NIBAN2: variants seen among roughly 807,000 people sequenced by gnomAD.
The protein encoded by NIBAN2 is protein Niban 2.
A neutral mutation model predicts 81.8 loss-of-function variants in NIBAN2; 36 were observed. The observed-to-expected ratio is 0.44, with a 90% confidence interval of 0.34 to 0.58. The LOEUF is 0.58. NIBAN2 is among the 20% of genes least tolerant of loss of function. The pLI is 0.02. For missense variants in NIBAN2, 897 were observed against 1,014.1 expected, an observed-to-expected ratio of 0.88 and a Z score of 1.57; for synonymous variants, 445 against 441.6, an observed-to-expected ratio of 1.01 and a Z score of -0.10.
intron 8 of NIBAN2, among the ~76,000 whole-genome samples, chr9:127,514,826 C>G (rs1836795222): frequency 6.6e-6 from 1 of 152,176 alleles, no homozygotes; most frequent in East Asian, 1.9e-4. Flanking sequence ...GCTCAGTGTC[C>G]TATCCAGCTG....
chr9:127,549,719 A>G (rs1357323384), intron 1 of NIBAN2, among the ~76,000 whole-genome samples: 2 of 152,186 alleles, frequency 1.3e-5, no homozygotes, highest in African/African-American at 2.4e-5. Context: ...AGGAAACCCA[A>G]TCCCAGATTG....
At chr9:127,542,910 G>A (rs1039244941) in intron 1 of NIBAN2, among the ~76,000 whole-genome samples, 4 of 152,320 alleles carry the variant, frequency 2.6e-5, no homozygotes, top group African/African-American at 9.6e-5. Flanking sequence ...TTTTAGTAGA[G>A]ATGGGGGTTT....
In NIBAN2 at chr9:127,508,185, T is replaced by A. The variant is rs1194824413; in HGVS notation, c.1450A>T (p.Ser484Cys). 10 of 1,613,366 alleles carry A rather than the reference T, an allele frequency of 6.2e-6. No homozygotes were observed. Among genetic ancestry groups the A allele is most frequent in the Non-Finnish European group, 8.5e-6 (10 of 1,179,856 alleles). Residue 484 changes from serine to cysteine, a missense_variant, in exon 12 of 14, where the codon AGC (serine) becomes TGC (cysteine). Ser to Cys is a moderately radical substitution (Grantham distance 112, BLOSUM62 -1). Around this residue, in one of 3 missense-constraint regions of NIBAN2, gnomAD observed 619 missense variants for 691.0 expected, o/e 0.90. Transcript: ENST00000373312. This position sits in a 1 kb window ranked among gnomAD's most constrained non-coding sequence, Gnocchi z 6.4. Reference protein sequence around the residue: ...ERVLKKYDYDSSSVRKRFFRE... With the variant: ...ERVLKKYDYDCSSVRKRFFRE... ...AAGAACCTCTTCCGCACAGAGCTGCTGTCGTAGTCGTATTTCTGCAGGGAA... is the reference window on the plus strand; with the variant it reads ...AAGAACCTCTTCCGCACAGAGCTGCAGTCGTAGTCGTATTTCTGCAGGGAA...
chr9:127,507,257 G>A lies in NIBAN2; in HGVS notation c.1829C>T (p.Ala610Val). The change falls in exon 14 of 14, where the codon GCC (alanine) becomes GTC (valine). Residue 610 changes from alanine (A) to valine (V), a missense_variant. This residue lies in a region of NIBAN2 where 619 missense variants were observed against 691.0 expected (regional missense o/e 0.90). Transcript: ENST00000373312. The surrounding 1 kb of genome is among the most constrained non-coding windows in gnomAD (Gnocchi z 6.8). Reference sequence around the variant, plus strand: ...GCGCCGTCGCTTTTCCGAGAGGGTGGCTGACTCCGGGGTGCTGGGGCTGGG... The same window carrying A: ...GCGCCGTCGCTTTTCCGAGAGGGTGACTGACTCCGGGGTGCTGGGGCTGGG... The part of the protein sequence containing the change: ...GSPSPSTPES[A>V]TLSEKRRRAK... 6.2e-7 allele frequency: 1 copy of A among 1,608,428 alleles called. No individual in the cohort carries two copies. The highest frequency in any genetic ancestry group is 8.5e-7 in the Non-Finnish European group (1 of 1,176,572).
chr9:127,509,349 A>T (rs1020978140), intron 9 of NIBAN2, among the ~76,000 whole-genome samples: 1 of 152,148 alleles, frequency 6.6e-6, no homozygotes, highest in South Asian at 2.1e-4. Context: ...CCAGTGGCAC[A>T]GCGCTGTGGA....
In NIBAN2 at chr9:127,559,395, G is replaced by A. The variant is rs1429207222; in HGVS notation, c.55+9425C>T. Among the ~76,000 whole-genome samples, 1 of 152,210 alleles carries A rather than the reference G, an allele frequency of 6.6e-6. No individual in the cohort carries two copies. Among genetic ancestry groups the A allele is most frequent in the South Asian group, 2.1e-4 (1 of 4,832 alleles). Reference sequence around the variant, plus strand: ...TGCCCGTTGCACAGATAGGCAAAGTGAGGAGGAGGCACAGAGAAAAGGAAG... The same window carrying A: ...TGCCCGTTGCACAGATAGGCAAAGTAAGGAGGAGGCACAGAGAAAAGGAAG... On this transcript the variant is annotated intron_variant, in intron 1 of 13. Coordinates refer to ENST00000373312, the MANE Select transcript of NIBAN2 (RefSeq NM_022833.4). The surrounding 1 kb of genome is among the most constrained non-coding windows in gnomAD (Gnocchi z 4.0).
chr9:127,531,809 G>A, intron 1 of NIBAN2, 31 bp from the exon 2 acceptor site: 3 of 1,613,608 alleles, frequency 1.9e-6, no homozygotes, highest in Non-Finnish European at 8.5e-7. Context: ...GGAGCTTGAG[G>A]TCCTCAGGGA....
chr9:127,506,912 C>T lies in NIBAN2; in HGVS notation c.2174G>A (p.Ser725Asn). ...SDQETGEQVS[S>N]PSSHPALHTT... ...GTGGAGGGCGGGGTGGCTGCTGGGG[C>T]TGGACACCTGCTCTCCAGTCTCCTG... The change falls in exon 14 of 14, where the codon AGC (serine) becomes AAC (asparagine). Residue 725 changes from serine to asparagine, a missense_variant. Ser to Asn is a conservative substitution (Grantham distance 46). Around this residue, in one of 3 missense-constraint regions of NIBAN2, gnomAD observed 619 missense variants for 691.0 expected, o/e 0.90. Transcript: ENST00000373312. 6.2e-7 allele frequency: 1 copy of T among 1,612,414 alleles called. No homozygotes were observed. Among genetic ancestry groups the T allele is most frequent in the East Asian group, 2.2e-5 (1 of 44,864 alleles).
chr9:127,550,737 C>A (rs1837560199), intron 1 of NIBAN2, among the ~76,000 whole-genome samples: 1 of 152,318 alleles, frequency 6.6e-6, no homozygotes, highest in Non-Finnish European at 1.5e-5. Flanking sequence ...AGAGGCAGGA[C>A]CCTTCCTGCA....
At position 127,522,271 on chromosome 9, in the gene NIBAN2, G is replaced by A. The variant is rs532341277; in HGVS notation, c.589+1408C>T. ...GACAGGGCAGAGGTGGCTCTGGAGA[G>A]GCGAGCAGGAGGGGTGGGGTGAGCT... On this transcript the variant is annotated intron_variant, in intron 5 of 13. Transcript: ENST00000373312. Among the ~76,000 whole-genome samples, 9 of 152,330 alleles carry A rather than the reference G, an allele frequency of 5.9e-5. No individual in the cohort carries two copies. The South Asian group carries it at 1.9e-3, about 32-fold the overall frequency.
intron 1 of NIBAN2, among the ~76,000 whole-genome samples, chr9:127,537,398 A>C (rs1837298784): frequency 6.6e-6 from 1 of 152,224 alleles, no homozygotes; most frequent in Non-Finnish European, 1.5e-5. Flanking sequence ...TGAAATGTTT[A>C]TTAGCAGTAT....
intron 1 of NIBAN2, among the ~76,000 whole-genome samples, chr9:127,560,493 C>T (rs954657803): frequency 3.9e-5 from 6 of 152,126 alleles, no homozygotes; most frequent in South Asian, 4.1e-4. Flanking sequence ...GGCCCTTCCT[C>T]GCCAAGACCA....
upstream of NIBAN2, among the ~76,000 whole-genome samples, chr9:127,569,255 G>C (rs1418055585): frequency 7.0e-6 from 1 of 143,786 alleles, no homozygotes; most frequent in East Asian, 2.1e-4. Flanking sequence ...GCCCCTCCAG[G>C]GCCCGCCCCG....
chr9:127,560,710 G>A (rs1212352687), intron 1 of NIBAN2, among the ~76,000 whole-genome samples: 1 of 152,182 alleles, frequency 6.6e-6, no homozygotes, highest in African/African-American at 2.4e-5. Context: ...CACAGCGCCG[G>A]GCACACAGAA....
rs1421631363 is a variant in NIBAN2, at chr9:127,554,557, T to C, written c.55+14263A>G. 2.3e-4 allele frequency among the ~76,000 whole-genome samples: 33 copies of C among 144,230 alleles called. No individual in the cohort carries two copies. The East Asian group carries it at 6.1e-3, about 26-fold the overall frequency. The allele number at this position is 144,230 out of a possible 152,430, so 94.6% of individuals were successfully genotyped here. On this transcript the variant is annotated intron_variant, in intron 1 of 13. Coordinates refer to ENST00000373312, the MANE Select transcript of NIBAN2 (RefSeq NM_022833.4). ...TTTTCTTTTTCTTTTTCTTTTTTTT[T>C]TTTTTTTTTTTTTTGCTTTTTGAGA...
intron 5 of NIBAN2, among the ~76,000 whole-genome samples, chr9:127,520,825 A>G (rs1019711486): frequency 3.3e-5 from 5 of 152,240 alleles, no homozygotes; most frequent in Admixed American, 6.5e-5. Flanking sequence ...CGGAGGTTGC[A>G]GTGAGCCGAG....
At chr9:127,560,166 G>C (rs1837745266) in intron 1 of NIBAN2, among the ~76,000 whole-genome samples, 1 of 152,190 alleles carries the variant, frequency 6.6e-6, no homozygotes, top group South Asian at 2.1e-4. Flanking sequence ...AGAGGAGTGG[G>C]AGCAGAGGCT....
rs1422592360 is a variant in NIBAN2 at position 127,523,703 on chromosome 9, C to G, written c.565G>C (p.Asp189His). 1 of 1,613,478 alleles carries G rather than the reference C, an allele frequency of 6.2e-7. No homozygotes were observed. Among genetic ancestry groups the G allele is most frequent in the Non-Finnish European group, 8.5e-7 (1 of 1,179,666 alleles). Reference sequence around the variant, plus strand: ...CCATTGTTGCAGTGCCGGATGCAGTCCTGCAGCACAGCCTGCCACTTGTCC... The same window carrying G: ...CCATTGTTGCAGTGCCGGATGCAGTGCTGCAGCACAGCCTGCCACTTGTCC... ...EQDKWQAVLQ[D>H]CIRHCNNGIP... The change falls in exon 5 of 14, where the codon GAC becomes CAC. Residue 189 changes from aspartate (D) to histidine (H), a missense_variant. By Grantham distance (81) the Asp-to-His change is moderately conservative. This residue lies in a region of NIBAN2 where 69 missense variants were observed against 114.7 expected (regional missense o/e 0.60). Coordinates refer to ENST00000373312, the MANE Select transcript of NIBAN2 (RefSeq NM_022833.4).
intron 1 of NIBAN2, among the ~76,000 whole-genome samples, chr9:127,567,036 C>T (rs1837870681): frequency 6.6e-6 from 1 of 152,156 alleles, no homozygotes; most frequent in Non-Finnish European, 1.5e-5. Flanking sequence ...TTCTTCCACC[C>T]AGCCTGGTAT....
Sources: gnomAD v4.1 joint callset for allele counts (sites outside exome capture counted in the v4.1 genomes callset) on GRCh38, gnomAD v4.1.1 for gene constraint, gnomAD v4.1.1 regional missense constraint, Gnocchi (gnomAD v3.1) non-coding constraint, MANE v1.5 for transcripts, NCBI Gene and HGNC (gene_info 2026-07-23, HGNC 2026-07-21) for gene names.